The following BMP6 variants were observed in gnomAD, a reference collection of about 807,000 sequenced individuals.
BMP6 encodes VG-1-R.
Under a neutral mutation model 54.1 loss-of-function variants are expected in BMP6, and 17 were observed. That is an observed-to-expected ratio of 0.31 (90% CI 0.22 to 0.47). The LOEUF is 0.47. Ranked by LOEUF, BMP6 falls within the 20% of genes least tolerant of loss-of-function variation. The pLI, the probability that BMP6 is intolerant of heterozygous loss-of-function variation, is 1.00. For missense variants in BMP6, 720 were observed against 690.4 expected (o/e 1.04, Z -0.48); for synonymous variants, 328 against 291.2 (o/e 1.13, Z -1.28).
At chr6:7,857,939 C>G (rs1162280850) in intron 2 of BMP6, among the ~76,000 whole-genome samples, 3 of 152,166 alleles carry the variant, frequency 2.0e-5, no homozygotes, top group African/African-American at 7.2e-5. Flanking sequence ...GCATATTCTG[C>G]TTGGAAGGAG....
intron 2 of BMP6, among the ~76,000 whole-genome samples, chr6:7,852,006 C>A (rs1008868952): frequency 1.7e-4 from 26 of 152,134 alleles, no homozygotes; most frequent in African/African-American, 5.1e-4. Context: ...GGGTCTATTT[C>A]CACTACCTGT....
intron 1 of BMP6, among the ~76,000 whole-genome samples, chr6:7,838,458 C>G (rs978504772): frequency 2.6e-4 from 39 of 152,100 alleles, no homozygotes; most frequent in African/African-American, 8.9e-4. Flanking sequence ...CATAAAAATT[C>G]CAAATAGTAA....
In BMP6 at chr6:7,755,011, C is replaced by A. The variant is rs921598098; in HGVS notation, c.664+27392C>A. ...GGGATTACAGGCGTGAGCCACCGCG[C>A]CCGGACTAATTTTCTAACCTTTTTA... On this transcript the variant is annotated intron_variant, in intron 1 of 6. Coordinates refer to ENST00000283147, the MANE Select transcript of BMP6 (RefSeq NM_001718.6). Among the ~76,000 whole-genome samples the A allele has an allele frequency of 2.6e-5, 4 of 152,206 alleles. No homozygotes were observed. In the East Asian group the frequency reaches 5.8e-4, roughly 22 times the overall value.
At chr6:7,859,194 CCTT>C (rs1203084800) in intron 2 of BMP6, among the ~76,000 whole-genome samples, 2 of 152,132 alleles carry the variant, frequency 1.3e-5, no homozygotes, top group Non-Finnish European at 2.9e-5. Flanking sequence ...TCCTCCTCCT[CCTT>C]GGATGATGTG....
At chr6:7,755,699 G>A (rs1271501117) in intron 1 of BMP6, among the ~76,000 whole-genome samples, 1 of 151,754 alleles carries the variant, frequency 6.6e-6, no homozygotes, top group Non-Finnish European at 1.5e-5. Flanking sequence ...TCTGCTTGAA[G>A]AACTTCTGTT....
At chr6:7,820,700 C>T (rs990045766) in intron 1 of BMP6, among the ~76,000 whole-genome samples, 3 of 152,096 alleles carry the variant, frequency 2.0e-5, no homozygotes, top group Non-Finnish European at 4.4e-5. Flanking sequence ...CTGAGTTGCT[C>T]GTTCTTCATC....
chr6:7,802,202 G>T (rs1418470540), intron 1 of BMP6, among the ~76,000 whole-genome samples: 23 of 152,170 alleles, frequency 1.5e-4, no homozygotes, highest in Admixed American at 1.5e-3. Context: ...AAGCTCTAAA[G>T]AAAAGCTTAC....
In BMP6 at chr6:7,880,525, T is replaced by C; in HGVS notation, c.*182T>C. The C allele has an allele frequency of 1.3e-6, 1 of 797,664 alleles. No homozygotes were observed. Among genetic ancestry groups the C allele is most frequent in the Non-Finnish European group, 2.0e-6 (1 of 511,560 alleles). The allele number at this position is 797,664 out of a possible 1,614,324, so 49.4% of individuals were successfully genotyped here. On this transcript the variant is annotated 3_prime_UTR_variant, in exon 7 of 7. Coordinates refer to ENST00000283147, the MANE Select transcript of BMP6 (RefSeq NM_001718.6). ...ATTAATAATTTGCTCACTTGGTAAA[T>C]GACGTGAGTAGTTGTTGGTCTGTAG... is the stretch of plus-strand genomic sequence containing the variant.
intron 1 of BMP6, among the ~76,000 whole-genome samples, chr6:7,804,919 C>G (rs1167408993): frequency 6.6e-6 from 1 of 151,648 alleles, no homozygotes; most frequent in Non-Finnish European, 1.5e-5. Flanking sequence ...TATTAAAAAA[C>G]ACAGCCATTG....
At chr6:7,813,358 A>G (rs1244622718) in intron 1 of BMP6, among the ~76,000 whole-genome samples, 1 of 143,534 alleles carries the variant, frequency 7.0e-6, no homozygotes, top group Non-Finnish European at 1.5e-5. Flanking sequence ...ATGATGGCGT[A>G]TACCTGTAAT....
intron 1 of BMP6, among the ~76,000 whole-genome samples, chr6:7,773,877 C>G (rs922354505): frequency 1.3e-5 from 2 of 152,132 alleles, no homozygotes; most frequent in African/African-American, 4.8e-5. Flanking sequence ...TCTGAGTGAG[C>G]CTATTTTCCT....
At chr6:7,809,113 C>T (rs944816808) in intron 1 of BMP6, among the ~76,000 whole-genome samples, 4 of 147,878 alleles carry the variant, frequency 2.7e-5, no homozygotes, top group Admixed American at 6.8e-5. Context: ...CCCCCACCCC[C>T]CCCCAAAAAA....
chr6:7,753,476 T>G (rs914834083), intron 1 of BMP6, among the ~76,000 whole-genome samples: 2 of 152,202 alleles, frequency 1.3e-5, no homozygotes. Context: ...CCTAGGTGAT[T>G]CATAGGCACA....
chr6:7,820,367 G>A (rs1305856274), intron 1 of BMP6, among the ~76,000 whole-genome samples: 2 of 152,178 alleles, frequency 1.3e-5, no homozygotes, highest in Non-Finnish European at 2.9e-5. Context: ...GGTGGTTTGG[G>A]AAGCTGTGAC....
intron 1 of BMP6, among the ~76,000 whole-genome samples, chr6:7,814,486 A>G (rs1054305454): frequency 6.6e-5 from 10 of 151,966 alleles, no homozygotes; most frequent in African/African-American, 2.4e-4. Flanking sequence ...CTTTAGTTTG[A>G]GTGTTTTTTT....
intron 1 of BMP6, among the ~76,000 whole-genome samples, chr6:7,829,111 G>T (rs188681576): frequency 1.3e-5 from 2 of 152,294 alleles, no homozygotes; most frequent in African/African-American, 4.8e-5. Flanking sequence ...AAACCAAATA[G>T]CCCCATCGTC....
intron 1 of BMP6, among the ~76,000 whole-genome samples, chr6:7,749,114 G>T (rs1399315694): frequency 6.6e-6 from 1 of 152,176 alleles, no homozygotes; most frequent in Admixed American, 6.5e-5. Context: ...TCTACAAAAG[G>T]CAATCACTGA....
At chr6:7,879,181 C>G (rs1197116596) in intron 5 of BMP6, 31 bp downstream of exon 5, 18 of 1,582,986 alleles carry the variant, frequency 1.1e-5, no homozygotes, top group Non-Finnish European at 1.6e-5. Context: ...GGATAAAGGT[C>G]CTTTCTCAGC....
rs1473285154 is a variant in BMP6, at chr6:7,810,590, TA to T, written c.665-34549del. Among the ~76,000 whole-genome samples the T allele has an allele frequency of 9.8e-5, 15 of 152,336 alleles. No homozygotes were observed. The East Asian group carries it at 2.7e-3, about 27-fold the overall frequency. On this transcript the variant is annotated intron_variant, in intron 1 of 6. Transcript: ENST00000283147. ...TAGCTCATGGTATTCATATTTGTCT[TA>T]GATCTTTCTTCCTTGGATATTACAA...
Sources: allele counts gnomAD v4.1 joint callset (sites outside exome capture counted in the v4.1 genomes callset), GRCh38; gene constraint gnomAD v4.1.1; transcripts MANE v1.5; gene names NCBI Gene and HGNC (gene_info 2026-07-23, HGNC 2026-07-21).